The following EFNA5 variants were observed in gnomAD, a reference collection of about 807,000 sequenced individuals.
EFNA5 encodes ephrin-A5.
EFNA5 carries 5 observed loss-of-function variants against 22.9 expected under a neutral mutation model. The ratio of observed to expected loss-of-function variants is 0.22; its 90% CI spans 0.11 to 0.46. The LOEUF (loss-of-function observed/expected upper bound fraction) is 0.46. Among genes scored for constraint, EFNA5 ranks in the 20% least tolerant of loss-of-function variants. The pLI, the probability that EFNA5 is intolerant of heterozygous loss-of-function variation, is 0.99. For synonymous variants in EFNA5, 113 were observed against 112.2 expected (o/e 1.01, Z -0.04); for missense variants, 237 against 293.3 (o/e 0.81, Z 1.40).
chr5:107,625,672 G>A (rs185036993), intron 1 of EFNA5, among the ~76,000 whole-genome samples: 11 of 152,138 alleles, frequency 7.2e-5, no homozygotes, highest in Non-Finnish European at 1.2e-4. Flanking sequence ...TGAATGTTAA[G>A]GTATAAAATT....
rs201669505 is a variant in EFNA5, at chr5:107,652,894, T to TA, written c.125+17594dup. Reference sequence around the variant, plus strand: ...TTTAAATGATTTAATTTTCTTTTTCTAAAAAAAAATAGTTTAAATTTTTCA... The same window carrying TA: ...TTTAAATGATTTAATTTTCTTTTTCTAAAAAAAAAATAGTTTAAATTTTTCA... On this transcript the variant is annotated intron_variant, in intron 1 of 4. Coordinates refer to ENST00000333274, the MANE Select transcript of EFNA5 (RefSeq NM_001962.3). Among the ~76,000 whole-genome samples the TA allele has an allele frequency of 9.7e-4, 145 of 150,206 alleles. 2 individuals carry two copies. The East Asian group carries it at 0.022, about 23-fold the overall frequency.
chr5:107,401,355 A>G (rs1748078021), intron 2 of EFNA5, among the ~76,000 whole-genome samples: 1 of 152,224 alleles, frequency 6.6e-6, no homozygotes, highest in Non-Finnish European at 1.5e-5. Context: ...TTTTAATCTA[A>G]GAGGTCTCAA....
chr5:107,482,866 C>CTA (rs1350047408), intron 1 of EFNA5, among the ~76,000 whole-genome samples: 17 of 43,308 alleles, frequency 3.9e-4, no homozygotes, highest in East Asian at 9.2e-4. Flanking sequence ...CTCTCTCTCT[C>CTA]TCTCTATATA....
At chr5:107,455,757 A>T (rs1749683744) in intron 1 of EFNA5, among the ~76,000 whole-genome samples, 1 of 152,172 alleles carries the variant, frequency 6.6e-6, no homozygotes, top group Non-Finnish European at 1.5e-5. Context: ...CTTTGCTCTT[A>T]AAGTTTATTG....
At chr5:107,552,278 A>C (rs1748316016) in intron 1 of EFNA5, among the ~76,000 whole-genome samples, 1 of 152,202 alleles carries the variant, frequency 6.6e-6, no homozygotes, top group South Asian at 2.1e-4. Context: ...AAAAAATTAC[A>C]GTGCCAATAA....
chr5:107,536,948 T>A (rs1461804272), intron 1 of EFNA5, among the ~76,000 whole-genome samples: 2 of 151,100 alleles, frequency 1.3e-5, no homozygotes, highest in Non-Finnish European at 3.0e-5. Context: ...CTACTAACAA[T>A]ATAAAAATTA....
intron 1 of EFNA5, among the ~76,000 whole-genome samples, chr5:107,587,925 C>G (rs1463988582): frequency 6.6e-6 from 1 of 152,136 alleles, no homozygotes; most frequent in Non-Finnish European, 1.5e-5. Context: ...GACAAGTGGA[C>G]CCACGGCATG....
chr5:107,547,563 C>G (rs889365769), intron 1 of EFNA5, among the ~76,000 whole-genome samples: 5 of 151,774 alleles, frequency 3.3e-5, no homozygotes, highest in African/African-American at 1.2e-4. Context: ...TTCATGAAAC[C>G]AATGCCTGTT....
intron 1 of EFNA5, among the ~76,000 whole-genome samples, chr5:107,526,988 A>G (rs941409270): frequency 2.0e-5 from 3 of 152,202 alleles, no homozygotes; most frequent in African/African-American, 7.2e-5. Flanking sequence ...GATACAGAAT[A>G]ACCAACCATA....
intron 1 of EFNA5, among the ~76,000 whole-genome samples, chr5:107,452,960 TTC>T: frequency 6.6e-6 from 1 of 152,286 alleles, no homozygotes; most frequent in Admixed American, 6.5e-5. Context: ...CTGGCCTGAT[TTC>T]TTTCTTTCTT....
At chr5:107,660,254 G>A (rs1750917120) in intron 1 of EFNA5, among the ~76,000 whole-genome samples, 2 of 77,418 alleles carry the variant, frequency 2.6e-5, no homozygotes, top group Admixed American at 1.5e-4. Context: ...CTCTGAGATG[G>A]CAAAAACATA....
intron 1 of EFNA5, among the ~76,000 whole-genome samples, chr5:107,539,104 C>T (rs993421855): frequency 2.0e-5 from 3 of 152,198 alleles, no homozygotes; most frequent in Non-Finnish European, 2.9e-5. Context: ...CTGACATGTC[C>T]TTGGGAGCTG....
intron 1 of EFNA5, among the ~76,000 whole-genome samples, chr5:107,579,268 A>C (rs1023513763): frequency 6.6e-6 from 1 of 152,206 alleles, no homozygotes; most frequent in African/African-American, 2.4e-5. Flanking sequence ...CTCATCCATT[A>C]ACCAACTGTG....
At chr5:107,471,541 C>T (rs1298183648) in intron 1 of EFNA5, among the ~76,000 whole-genome samples, 1 of 152,116 alleles carries the variant, frequency 6.6e-6, no homozygotes, top group Non-Finnish European at 1.5e-5. Context: ...TGTCTTTATC[C>T]TTCATTTTGG....
chr5:107,390,606 TC>T (rs1747765917), intron 2 of EFNA5, among the ~76,000 whole-genome samples: 2 of 152,010 alleles, frequency 1.3e-5, no homozygotes, highest in South Asian at 4.1e-4. Flanking sequence ...GTAGTATTAA[TC>T]CTTATGGCTC....
intron 1 of EFNA5, among the ~76,000 whole-genome samples, chr5:107,467,998 T>C (rs1310048081): frequency 1.3e-5 from 2 of 152,212 alleles, no homozygotes; most frequent in South Asian, 4.1e-4. Flanking sequence ...CTTTCAATTA[T>C]GACATAGCAT....
rs112494421 is a variant in EFNA5 at position 107,512,452 on chromosome 5, G to GT, written c.126-84944dup. On this transcript the variant is annotated intron_variant, in intron 1 of 4. Coordinates refer to ENST00000333274, the MANE Select transcript of EFNA5 (RefSeq NM_001962.3). ...CAACCTGAAATCAATACTCTAGCCTGTTTTTTTTTACCTTCTAGGAGGTTT... is the reference window on the plus strand; with the variant it reads ...CAACCTGAAATCAATACTCTAGCCTGTTTTTTTTTTACCTTCTAGGAGGTTT... 4.9e-3 allele frequency among the ~76,000 whole-genome samples: 736 copies of GT among 151,148 alleles called. 2 individuals carry two copies. The highest frequency in any genetic ancestry group is 0.014 in the African/African-American group (583 of 41,178).
intron 1 of EFNA5, among the ~76,000 whole-genome samples, chr5:107,603,226 T>C (rs27600): frequency 6.6e-6 from 1 of 152,166 alleles, no homozygotes; most frequent in East Asian, 1.9e-4. Flanking sequence ...GTAAGGAAGG[T>C]TGTAGTTCAA....
At chr5:107,489,803 A>G (rs2112411873) in intron 1 of EFNA5, among the ~76,000 whole-genome samples, 1 of 152,324 alleles carries the variant, frequency 6.6e-6, no homozygotes, top group Non-Finnish European at 1.5e-5. Flanking sequence ...GTGGCCTTGC[A>G]CTGACTCAGT....
Sources: gnomAD v4.1 joint callset for allele counts (sites outside exome capture counted in the v4.1 genomes callset) on GRCh38, gnomAD v4.1.1 for gene constraint, MANE v1.5 for transcripts, NCBI Gene and HGNC (gene_info 2026-07-23, HGNC 2026-07-21) for gene names.